Variants in STAC observed in about 807,000 individuals in gnomAD.
STAC encodes SH3 and cysteine-rich domain-containing protein.
A neutral mutation model predicts 48.8 loss-of-function variants in STAC; 43 were observed. The ratio of observed to expected loss-of-function variants is 0.88; its 90% CI spans 0.69 to 1.14. The LOEUF (loss-of-function observed/expected upper bound fraction) is 1.14, where lower values mean the gene tolerates loss of function less well. Among genes scored for constraint, STAC ranks in the 50% most tolerant of loss-of-function variants. The pLI is 0.00. For synonymous variants in STAC, 193 were observed against 179.5 expected, an observed-to-expected ratio of 1.07 and a Z score of -0.60; for missense variants, 497 against 504.0, an observed-to-expected ratio of 0.99 and a Z score of 0.13.
At chr3:36,410,436 G>A (rs999811849) in intron 1 of STAC, among the ~76,000 whole-genome samples, 8 of 152,216 alleles carry the variant, frequency 5.3e-5, no homozygotes, top group African/African-American at 7.2e-5. Flanking sequence ...AACAGCCTAC[G>A]TTTTCCATTC....
chr3:36,471,747 T>C (rs1413467933), intron 2 of STAC, among the ~76,000 whole-genome samples: 3 of 152,228 alleles, frequency 2.0e-5, no homozygotes, highest in Admixed American at 2.0e-4. Context: ...GCCATGCTGA[T>C]GCAAGAGGTG....
At chr3:36,445,364 A>C (rs1696479688) in intron 2 of STAC, among the ~76,000 whole-genome samples, 1 of 152,220 alleles carries the variant, frequency 6.6e-6, no homozygotes, top group Non-Finnish European at 1.5e-5. Context: ...AAAAAGAATC[A>C]ACGAGTCTCA....
At chr3:36,525,626 G>T (rs1698913200) in intron 8 of STAC, among the ~76,000 whole-genome samples, 1 of 151,912 alleles carries the variant, frequency 6.6e-6, no homozygotes, top group South Asian at 2.1e-4. Flanking sequence ...CAAAGTCATT[G>T]TGTTTGATAC....
rs192518088 is a variant in STAC at position 36,404,506 on chromosome 3, A to G, written c.111+23752A>G. Among the ~76,000 whole-genome samples, 38 of 152,326 alleles carry G rather than the reference A, an allele frequency of 2.5e-4. No homozygotes were observed. The South Asian group carries it at 7.5e-3, about 30-fold the overall frequency. On this transcript the variant is annotated intron_variant, in intron 1 of 10. Coordinates refer to ENST00000273183, the MANE Select transcript of STAC (RefSeq NM_003149.3). ...TCTTAGTTTACATCATATTATGCTC[A>G]TGTATATAAATACTCATATGTATGA...
chr3:36,401,137 T>C (rs545081016), intron 1 of STAC, among the ~76,000 whole-genome samples: 1 of 152,324 alleles, frequency 6.6e-6, no homozygotes, highest in South Asian at 2.1e-4. Context: ...AATGTACCTA[T>C]GTTTACATTT....
At chr3:36,427,219 C>A (rs957356887) in intron 1 of STAC, among the ~76,000 whole-genome samples, 1 of 152,196 alleles carries the variant, frequency 6.6e-6, no homozygotes, top group Non-Finnish European at 1.5e-5. Context: ...TTTCTCCATG[C>A]TTTTGGGGCT....
chr3:36,509,257 T>C (rs894326012), intron 8 of STAC, among the ~76,000 whole-genome samples: 1 of 152,134 alleles, frequency 6.6e-6, no homozygotes, highest in African/African-American at 2.4e-5. Context: ...TACTCTCTTC[T>C]GGCTTCTAGG....
At chr3:36,493,423 G>A (rs112601399) in intron 6 of STAC, among the ~76,000 whole-genome samples, 194 bp downstream of exon 6, 1 of 152,018 alleles carries the variant, frequency 6.6e-6, no homozygotes, top group South Asian at 2.1e-4. Flanking sequence ...ATGTTCCTGA[G>A]TTCTATATCC....
chr3:36,546,326 T>C lies in STAC; in HGVS notation c.*37T>C, dbSNP rs746378344. 6 of 1,557,238 alleles carry C rather than the reference T, an allele frequency of 3.9e-6. No individual in the cohort carries two copies. The South Asian group carries it at 6.7e-5, about 17-fold the overall frequency. On this transcript the variant is annotated 3_prime_UTR_variant, in exon 11 of 11. Transcript: ENST00000273183. ...TCCTCCGTTTGCAGTAGGCAAGCTC[T>C]GCTGCGATGCCTCTGCCTCATCTCA...
At chr3:36,529,748 C>T in intron 10 of STAC, among the ~76,000 whole-genome samples, 1 of 152,156 alleles carries the variant, frequency 6.6e-6, no homozygotes, top group Non-Finnish European at 1.5e-5. Context: ...CAGAGAGAGG[C>T]CTTCCTACCC....
At chr3:36,509,965 C>A (rs116587922) in intron 8 of STAC, among the ~76,000 whole-genome samples, 286 of 152,202 alleles carry the variant, frequency 1.9e-3, no homozygotes, top group African/African-American at 6.5e-3. Flanking sequence ...CCATTGGGAT[C>A]TAATGAAACT....
At chr3:36,437,931 G>GTTATTATTATTATTA (rs146079093) in intron 1 of STAC, among the ~76,000 whole-genome samples, 1,568 of 140,552 alleles carry the variant, frequency 0.011, 17 homozygotes, top group East Asian at 0.03. Flanking sequence ...TATTCATTGA[G>GTTATTATTATTATTA]TTATTATTAT....
intron 1 of STAC, among the ~76,000 whole-genome samples, chr3:36,383,385 T>A (rs1699554718): frequency 6.6e-6 from 1 of 152,140 alleles, no homozygotes; most frequent in Admixed American, 6.5e-5. Context: ...GAAAACAGTA[T>A]AAAGAACTGT....
At chr3:36,435,715 TA>T (rs895980889) in intron 1 of STAC, among the ~76,000 whole-genome samples, 13 of 152,296 alleles carry the variant, frequency 8.5e-5, no homozygotes, top group Non-Finnish European at 1.2e-4. Flanking sequence ...CTACTATTAT[TA>T]AGGTCCTCCA....
At chr3:36,516,906 T>C (rs1698686716) in intron 8 of STAC, among the ~76,000 whole-genome samples, 1 of 152,158 alleles carries the variant, frequency 6.6e-6, no homozygotes, top group African/African-American at 2.4e-5. Flanking sequence ...TCTCTCCTAG[T>C]CTTCTGAACA....
At chr3:36,508,324 T>C (rs1433013477) in intron 8 of STAC, among the ~76,000 whole-genome samples, 1 of 151,982 alleles carries the variant, frequency 6.6e-6, no homozygotes, top group Non-Finnish European at 1.5e-5. Context: ...TTTGCTGAGG[T>C]GTGTTTTACT....
At chr3:36,453,803 C>A (rs1188176664) in intron 2 of STAC, among the ~76,000 whole-genome samples, 1 of 152,082 alleles carries the variant, frequency 6.6e-6, no homozygotes, top group Non-Finnish European at 1.5e-5. Flanking sequence ...TTATGTCTGG[C>A]TAGGGGATTG....
intron 1 of STAC, among the ~76,000 whole-genome samples, chr3:36,395,930 TTTAAAAAAAAAAAACAA>T (rs1033575843): frequency 8.3e-6 from 1 of 120,952 alleles, no homozygotes; most frequent in African/African-American, 3.2e-5. Context: ...CTCCACAAAG[TTTAAAAAAAAAAAACAA>T]AGGTGAGAGT....
chr3:36,456,593 A>G (rs73065792), intron 2 of STAC, among the ~76,000 whole-genome samples: 20,632 of 152,024 alleles, frequency 0.14, 1,590 homozygotes, highest in African/African-American at 0.21. Flanking sequence ...CTCTTACATC[A>G]ACTGCCAGAA....
Sources: gnomAD v4.1 joint callset for allele counts (sites outside exome capture counted in the v4.1 genomes callset) on GRCh38, gnomAD v4.1.1 for gene constraint, MANE v1.5 for transcripts, NCBI Gene and HGNC (gene_info 2026-07-23, HGNC 2026-07-21) for gene names.